The following RMP64 variants were observed in gnomAD, a reference collection of about 807,000 sequenced individuals.
RMP64 encodes the protein nucleolus and neural progenitor protein.
the RMP64 span, chr3:113,019,528 G>T: frequency 3.1e-6 from 5 of 1,600,606 alleles, no homozygotes; most frequent in Non-Finnish European, 4.3e-6. Context: ...ATCCTCGCCC[G>T]GCGCCTCACT....
the RMP64 span, chr3:113,013,974 A>C: frequency 2.5e-6 from 4 of 1,613,354 alleles, no homozygotes; most frequent in Non-Finnish European, 3.4e-6. Flanking sequence ...CAACTCAAAC[A>C]GGTCTTGAAT....
At chr3:113,017,494 T>C in the RMP64 span, 3 of 1,614,204 alleles carry the variant, frequency 1.9e-6, no homozygotes, top group East Asian at 4.5e-5. Flanking sequence ...TCTGTTGTGA[T>C]TGCTGTAAAG....
the RMP64 span, chr3:113,010,777 T>C: frequency 1.6e-6 from 2 of 1,266,360 alleles, no homozygotes; most frequent in Non-Finnish European, 2.3e-6. Context: ...AATTCTTAAG[T>C]GCATGACATT....
At chr3:113,013,914 A>G in the RMP64 span, 2 of 1,385,910 alleles carry the variant, frequency 1.4e-6, no homozygotes, top group Non-Finnish European at 2.1e-6. Context: ...TTGAGTTCCC[A>G]GCCCACCACA....
At chr3:113,010,993 TTTTA>T in the RMP64 span, 1 of 1,488,282 alleles carries the variant, frequency 6.7e-7, no homozygotes. Context: ...AAAGGTTTCT[TTTTA>T]TTTGTTTTTT....
chr3:113,017,424 G>A, the RMP64 span: 5 of 1,607,212 alleles, frequency 3.1e-6, no homozygotes, highest in Non-Finnish European at 4.3e-6. Context: ...AACAGGTTGG[G>A]TCTCACCTAC....
At chr3:113,012,405 A>AT in the RMP64 span, 10 of 197,394 alleles carry the variant, frequency 5.1e-5, no homozygotes, top group Non-Finnish European at 8.1e-5. Flanking sequence ...ACAGGCATTA[A>AT]TTTTTTTAAT....
the RMP64 span, among the ~76,000 whole-genome samples, chr3:113,016,284 A>G: frequency 1.3e-5 from 2 of 152,202 alleles, no homozygotes. Context: ...ATATGCCAGA[A>G]CTTAGGAAAA....
chr3:113,015,307 A>C, the RMP64 span, among the ~76,000 whole-genome samples: 1 of 152,186 alleles, frequency 6.6e-6, no homozygotes, highest in Non-Finnish European at 1.5e-5. Flanking sequence ...AAAGGGACAA[A>C]ATACATTGCC....
chr3:113,009,505 CAG>C, the RMP64 span: 1 of 152,326 alleles, frequency 6.6e-6, no homozygotes, highest in East Asian at 1.9e-4. Flanking sequence ...CACCTACAAA[CAG>C]GTGCACAGGC....
chr3:113,012,734 C>T, the RMP64 span: 2 of 1,564,394 alleles, frequency 1.3e-6, no homozygotes, highest in Non-Finnish European at 1.8e-6. Context: ...ATGTACATAC[C>T]ATAACCTGCT....
At chr3:113,013,915 GC>G in the RMP64 span, 2 of 1,394,476 alleles carry the variant, frequency 1.4e-6, no homozygotes, top group Non-Finnish European at 1.0e-6. Flanking sequence ...TGAGTTCCCA[GC>G]CCACCACATC....
the RMP64 span, among the ~76,000 whole-genome samples, chr3:113,016,998 A>G: frequency 3.3e-5 from 5 of 152,184 alleles, no homozygotes; most frequent in Non-Finnish European, 5.9e-5. Flanking sequence ...GTACCCATTT[A>G]CTCTAACATA....
chr3:113,019,477 C>T, the RMP64 span: 5 of 1,383,172 alleles, frequency 3.6e-6, no homozygotes, highest in Non-Finnish European at 5.1e-6. Flanking sequence ...CGCCCACATG[C>T]GCCGGCTGGG....
At chr3:113,019,608 G>A in the RMP64 span, 4 of 1,613,870 alleles carry the variant, frequency 2.5e-6, no homozygotes, top group South Asian at 3.3e-5. Context: ...ATTCTCACAC[G>A]GTTCCACGGC....
chr3:113,019,221 G>A, the RMP64 span: 1 of 366,574 alleles, frequency 2.7e-6, no homozygotes, highest in South Asian at 4.0e-5. Flanking sequence ...GTGAGCAAGG[G>A]TTCCCAGGCA....
the RMP64 span, chr3:113,010,653 TTG>T: frequency 1.2e-6 from 2 of 1,613,350 alleles, no homozygotes; most frequent in African/African-American, 2.7e-5. Flanking sequence ...CTGAGTAGCT[TTG>T]TGTTTCAGCT....
the RMP64 span, chr3:113,006,032 T>C: frequency 3.3e-6 from 5 of 1,512,330 alleles, no homozygotes; most frequent in Non-Finnish European, 3.6e-6. Flanking sequence ...AGGAAAAATC[T>C]GGGCTTAAGA....
the RMP64 span, among the ~76,000 whole-genome samples, chr3:113,016,775 C>G: frequency 6.6e-6 from 1 of 152,296 alleles, no homozygotes; most frequent in South Asian, 2.1e-4. Context: ...ACAGAAAGTT[C>G]AAAAACACTT....
Sources: gnomAD v4.1 joint callset for allele counts (sites outside exome capture counted in the v4.1 genomes callset) on GRCh38, gnomAD v4.1.1 for gene constraint, MANE v1.5 for transcripts, NCBI Gene and HGNC (gene_info 2026-07-23, HGNC 2026-07-21) for gene names.